Variants in INPP4B observed in about 807,000 individuals in gnomAD.
INPP4B encodes inositol polyphosphate 4-phosphatase type II.
Under a neutral mutation model 122.5 loss-of-function variants are expected in INPP4B, and 55 were observed. The observed-to-expected ratio is 0.45, with a 90% CI of 0.36 to 0.56. The LOEUF (loss-of-function observed/expected upper bound fraction) is 0.56. INPP4B is among the 20% of genes least tolerant of loss of function. The probability of loss-of-function intolerance (pLI) is 0.00; values close to 1 mark genes in which losing one functional copy is unlikely to be tolerated. For missense variants in INPP4B, 1,000 were observed against 1,097.7 expected (o/e 0.91, Z 1.26); for synonymous variants, 403 against 388.7 (o/e 1.04, Z -0.43).
intron 7 of INPP4B, among the ~76,000 whole-genome samples, chr4:142,392,946 G>A (rs551596523): frequency 8.5e-5 from 13 of 152,138 alleles, no homozygotes; most frequent in Non-Finnish European, 1.6e-4. Context: ...CCTGGGTAAG[G>A]AGGATACTCC....
intron 17 of INPP4B, among the ~76,000 whole-genome samples, chr4:142,151,030 A>T (rs188844870): frequency 1.6e-4 from 24 of 152,292 alleles, no homozygotes; most frequent in Non-Finnish European, 2.5e-4. Flanking sequence ...CTTTGATTAG[A>T]AACAGTCAGT....
At chr4:142,317,868 G>A (rs944834371) in intron 7 of INPP4B, among the ~76,000 whole-genome samples, 3 of 152,164 alleles carry the variant, frequency 2.0e-5, no homozygotes, top group Non-Finnish European at 4.4e-5. Flanking sequence ...GGCCCTGCAG[G>A]AAATGGCAGG....
At chr4:142,492,661 C>T (rs1033026700) in intron 2 of INPP4B, among the ~76,000 whole-genome samples, 1 of 152,040 alleles carries the variant, frequency 6.6e-6, no homozygotes, top group Non-Finnish European at 1.5e-5. Context: ...GAACTTTGAA[C>T]TTGAGAGAGA....
chr4:142,324,015 G>T (rs1366009437), intron 7 of INPP4B, among the ~76,000 whole-genome samples: 1 of 152,194 alleles, frequency 6.6e-6, no homozygotes, highest in East Asian at 1.9e-4. Flanking sequence ...TTTGAGATAG[G>T]GCCTTTACAG....
At chr4:142,236,636 T>A (rs950595621) in intron 12 of INPP4B, among the ~76,000 whole-genome samples, 1 of 152,178 alleles carries the variant, frequency 6.6e-6, no homozygotes, top group African/African-American at 2.4e-5. Context: ...ATTTTAATAA[T>A]CCAGTTTCCT....
At position 142,682,651 on chromosome 4, in the gene INPP4B, G is replaced by A. The variant is rs545710059; in HGVS notation, c.-191+43188C>T. ...ATGAAAGGTTTTCTCTATTGCATGAGAGCAGAAAATATTCTCTCAGAGTAT... is the reference window on the plus strand; with the variant it reads ...ATGAAAGGTTTTCTCTATTGCATGAAAGCAGAAAATATTCTCTCAGAGTAT... On this transcript the variant is annotated intron_variant, in intron 2 of 25. Transcript: ENST00000262992. Among the ~76,000 whole-genome samples the A allele has an allele frequency of 2.0e-5, 3 of 151,950 alleles. No homozygotes were observed. The East Asian group carries it at 5.8e-4, about 30-fold the overall frequency.
At chr4:142,522,222 T>C (rs1826178578) in intron 2 of INPP4B, among the ~76,000 whole-genome samples, 1 of 152,156 alleles carries the variant, frequency 6.6e-6, no homozygotes, top group Non-Finnish European at 1.5e-5. Flanking sequence ...CAGTATCTTA[T>C]GTTTTCTTCT....
chr4:142,581,002 T>C (rs1367677353), intron 2 of INPP4B, among the ~76,000 whole-genome samples: 1 of 152,064 alleles, frequency 6.6e-6, no homozygotes. Context: ...TTAGAACTCT[T>C]CTCTCACTTT....
chr4:142,313,334 A>G (rs1035854499), intron 8 of INPP4B, among the ~76,000 whole-genome samples: 11 of 152,304 alleles, frequency 7.2e-5, no homozygotes, highest in Admixed American at 7.2e-4. Context: ...GCTTCCTTGA[A>G]CCTTGATAAA....
chr4:142,397,409 C>A (rs1353030285), intron 7 of INPP4B, among the ~76,000 whole-genome samples: 2 of 152,124 alleles, frequency 1.3e-5, no homozygotes, highest in Non-Finnish European at 2.9e-5. Flanking sequence ...GAATAATTGA[C>A]CACTTCATTA....
intron 2 of INPP4B, among the ~76,000 whole-genome samples, chr4:142,688,361 G>A (rs1230768230): frequency 3.9e-5 from 6 of 152,014 alleles, no homozygotes; most frequent in Non-Finnish European, 8.8e-5. Context: ...CACCATGAGT[G>A]ATTTTTTTTG....
rs1562011368 is a variant in INPP4B at position 142,398,432 on chromosome 4, AT to A, written c.372+4505del. ...TATATATATATATATATATATATAT[AT>A]ATATATATATATAAAACATATTAAA... On this transcript the variant is annotated intron_variant, in intron 7 of 25. Coordinates refer to ENST00000262992, the MANE Select transcript of INPP4B (RefSeq NM_001101669.3). Among the ~76,000 whole-genome samples, 415 of 86,160 alleles carry A rather than the reference AT, an allele frequency of 4.8e-3. 15 individuals are homozygous for A. The highest frequency in any genetic ancestry group is 0.015 in the African/African-American group (399 of 26,826). The allele number at this position is 86,160 out of a possible 152,430, so 56.5% of individuals were successfully genotyped here.
chr4:142,779,693 G>A (rs1190392092), intron 1 of INPP4B, among the ~76,000 whole-genome samples: 1 of 151,904 alleles, frequency 6.6e-6, no homozygotes, highest in East Asian at 1.9e-4. Flanking sequence ...AAGAGATCAG[G>A]AGGGTATATC....
At chr4:142,071,145 C>T (rs1767039653) in intron 25 of INPP4B, among the ~76,000 whole-genome samples, 1 of 152,042 alleles carries the variant, frequency 6.6e-6, no homozygotes, top group African/African-American at 2.4e-5. Context: ...GAGATATAGA[C>T]CAATGGAACA....
intron 1 of INPP4B, among the ~76,000 whole-genome samples, chr4:142,727,146 G>T (rs1433296649): frequency 6.6e-6 from 1 of 152,110 alleles, no homozygotes; most frequent in East Asian, 1.9e-4. Context: ...GAGTCCTTCT[G>T]GGTCTTTCAG....
intron 8 of INPP4B, among the ~76,000 whole-genome samples, chr4:142,309,137 C>T (rs569257099): frequency 6.6e-6 from 1 of 152,212 alleles, no homozygotes; most frequent in East Asian, 1.9e-4. Flanking sequence ...GAAAATAAAA[C>T]ATCTCCCATA....
At chr4:142,206,262 TGGGGATTAA>T (rs1842548291) in intron 14 of INPP4B, among the ~76,000 whole-genome samples, 1 of 151,936 alleles carries the variant, frequency 6.6e-6, no homozygotes, top group South Asian at 2.1e-4. Flanking sequence ...ATTGTTGCAC[TGGGGATTAA>T]GTTTCTAACA....
intron 1 of INPP4B, among the ~76,000 whole-genome samples, chr4:142,839,960 C>T (rs377094079): frequency 1.3e-5 from 2 of 152,140 alleles, no homozygotes; most frequent in East Asian, 1.9e-4. Context: ...ACATTCCAAC[C>T]AGACACTTAA....
chr4:142,061,931 T>C (rs1352938223), intron 25 of INPP4B, among the ~76,000 whole-genome samples: 1 of 67,056 alleles, frequency 1.5e-5, no homozygotes, highest in Non-Finnish European at 3.1e-5. Context: ...TATATATATA[T>C]ATATATATAT....
Sources: gnomAD v4.1 joint callset for allele counts (sites outside exome capture counted in the v4.1 genomes callset) on GRCh38, gnomAD v4.1.1 for gene constraint, MANE v1.5 for transcripts, NCBI Gene and HGNC (gene_info 2026-07-23, HGNC 2026-07-21) for gene names.